The following CPNE8 variants were observed in gnomAD, a reference collection of about 807,000 sequenced individuals.
CPNE8 encodes the protein copine-8.
A neutral mutation model predicts 81.5 loss-of-function variants in CPNE8; 45 were observed. The observed-to-expected ratio is 0.55, with a 90% CI of 0.44 to 0.71. The LOEUF (loss-of-function observed/expected upper bound fraction) is 0.71, where lower values mean the gene tolerates loss of function less well. CPNE8 is among the 30% of genes least tolerant of loss of function. The pLI, the probability that CPNE8 is intolerant of heterozygous loss-of-function variation, is 0.00. For synonymous variants in CPNE8, 252 were observed against 226.3 expected, an observed-to-expected ratio of 1.11 and a Z score of -1.02; for missense variants, 594 against 672.1, an observed-to-expected ratio of 0.88 and a Z score of 1.28.
rs189130324 is a variant in CPNE8 at position 38,806,902 on chromosome 12, G to C, written c.407+22477C>G. ...CTTAAGCTGATAAGCAACTTCAGCA[G>C]TCTCAGGATACAAAATCAATGTACA... is the stretch of plus-strand genomic sequence containing the variant. On this transcript the variant is annotated intron_variant, in intron 6 of 19. Transcript: ENST00000331366. Among the ~76,000 whole-genome samples the C allele has an allele frequency of 3.8e-3, 575 of 151,244 alleles. 4 individuals are homozygous for C. The highest frequency in any genetic ancestry group is 0.013 in the African/African-American group (539 of 41,436).
chr12:38,778,284 C>T (rs1373234030), intron 6 of CPNE8, among the ~76,000 whole-genome samples: 2 of 152,080 alleles, frequency 1.3e-5, no homozygotes, highest in Non-Finnish European at 2.9e-5. Context: ...GTAAGTACAG[C>T]CTATGGTGGT....
chr12:38,773,262 C>A (rs1359636915), intron 7 of CPNE8, among the ~76,000 whole-genome samples: 1 of 152,016 alleles, frequency 6.6e-6, no homozygotes, highest in Non-Finnish European at 1.5e-5. Context: ...CTATGGTTAA[C>A]AATACTGCAC....
At chr12:38,681,233 G>A (rs1290463370) in intron 16 of CPNE8, among the ~76,000 whole-genome samples, 1 of 151,818 alleles carries the variant, frequency 6.6e-6, no homozygotes, top group Non-Finnish European at 1.5e-5. Context: ...TAAATGATAA[G>A]AACAGGAATG....
rs114789013 is a variant in CPNE8 at position 38,867,412 on chromosome 12, T to G, written c.186+5592A>C. Among the ~76,000 whole-genome samples, 762 of 151,556 alleles carry G rather than the reference T, an allele frequency of 5.0e-3. 6 individuals are homozygous for G. Among genetic ancestry groups the G allele is most frequent in the African/African-American group, 0.017 (713 of 41,240 alleles). On this transcript the variant is annotated intron_variant, in intron 3 of 19. Transcript: ENST00000331366. ...ATACCAAAACAAGTATTATTCAGTA[T>G]GGAGATGAATAAATGTTAAAATAGC...
intron 19 of CPNE8, among the ~76,000 whole-genome samples, chr12:38,661,954 A>G (rs925586874): frequency 6.6e-6 from 1 of 152,182 alleles, no homozygotes; most frequent in Non-Finnish European, 1.5e-5. Context: ...ATAAAATACA[A>G]CATCCCTTCA....
intron 13 of CPNE8, among the ~76,000 whole-genome samples, chr12:38,711,328 G>T (rs544988224): frequency 2.0e-5 from 3 of 152,246 alleles, no homozygotes; most frequent in Admixed American, 6.5e-5. Flanking sequence ...TAGTCCTGAC[G>T]ATGAGGCATA....
intron 1 of CPNE8, among the ~76,000 whole-genome samples, chr12:38,878,592 C>CA (rs1464250902): frequency 6.6e-6 from 1 of 152,234 alleles, no homozygotes; most frequent in Non-Finnish European, 1.5e-5. Flanking sequence ...GACAGTTTCC[C>CA]ATATAGTAGT....
intron 1 of CPNE8, among the ~76,000 whole-genome samples, chr12:38,895,601 C>T (rs571651267): frequency 2.6e-4 from 39 of 152,148 alleles, no homozygotes; most frequent in Non-Finnish European, 3.4e-4. Context: ...GTTTATGCCA[C>T]TCCTATGAAT....
intron 6 of CPNE8, among the ~76,000 whole-genome samples, chr12:38,798,200 G>A (rs188079044): frequency 0.013 from 1,981 of 152,080 alleles, 18 homozygotes; most frequent in Non-Finnish European, 0.02. Flanking sequence ...TACAGAGAAC[G>A]CCACAAAGAT....
intron 10 of CPNE8, among the ~76,000 whole-genome samples, chr12:38,747,972 G>C (rs1160932273): frequency 2.6e-5 from 4 of 151,782 alleles, no homozygotes; most frequent in Non-Finnish European, 5.9e-5. Context: ...TCCCAAATAA[G>C]TAAGCATTCC....
intron 13 of CPNE8, among the ~76,000 whole-genome samples, chr12:38,718,453 GAA>G (rs1215676063): frequency 6.6e-6 from 1 of 152,080 alleles, no homozygotes; most frequent in Non-Finnish European, 1.5e-5. Flanking sequence ...GCTTTTACAG[GAA>G]ACATGAAAAT....
chr12:38,706,413 T>A (rs929627524), intron 13 of CPNE8, among the ~76,000 whole-genome samples: 2 of 152,148 alleles, frequency 1.3e-5, no homozygotes, highest in African/African-American at 2.4e-5. Flanking sequence ...ATTTTATCCA[T>A]TGATTTTCTC....
chr12:38,685,657 A>T, intron 15 of CPNE8, 40 bp from the exon 16 acceptor site: 1 of 1,593,754 alleles, frequency 6.3e-7, no homozygotes, highest in Middle Eastern at 1.7e-4. Context: ...AAACAACAGT[A>T]AAAAAGTAAA....
intron 1 of CPNE8, among the ~76,000 whole-genome samples, chr12:38,885,939 T>C (rs955845469): frequency 2.0e-5 from 3 of 152,124 alleles, no homozygotes; most frequent in South Asian, 2.1e-4. Flanking sequence ...TCCACCATGA[T>C]TGAAAGTTTC....
intron 6 of CPNE8, among the ~76,000 whole-genome samples, chr12:38,821,902 C>A (rs933075191): frequency 6.6e-6 from 1 of 152,148 alleles, no homozygotes; most frequent in Non-Finnish European, 1.5e-5. Context: ...ATATGTAAAC[C>A]TCAGAAGCTT....
chr12:38,685,823 G>T, intron 15 of CPNE8: 1 of 386,438 alleles, frequency 2.6e-6, no homozygotes, highest in Non-Finnish European at 4.6e-6. Flanking sequence ...ATAATAACAT[G>T]ATATAATGTA....
chr12:38,747,993 T>C (rs1941271951), intron 10 of CPNE8, among the ~76,000 whole-genome samples: 1 of 152,068 alleles, frequency 6.6e-6, no homozygotes, highest in African/African-American at 2.4e-5. Flanking sequence ...TAGAAAGCAA[T>C]ACTATTGTAA....
At chr12:38,710,278 A>AAAAAAAAC (rs1940220141) in intron 13 of CPNE8, among the ~76,000 whole-genome samples, 1 of 148,822 alleles carries the variant, frequency 6.7e-6, no homozygotes, top group Admixed American at 6.7e-5. Context: ...CAAAAAAAAA[A>AAAAAAAAC]AAAAAAAAAA....
intron 13 of CPNE8, among the ~76,000 whole-genome samples, chr12:38,714,774 A>G (rs2136718676): frequency 6.6e-6 from 1 of 152,198 alleles, no homozygotes; most frequent in South Asian, 2.1e-4. Context: ...AGCTAAACAC[A>G]ATATTTTACG....
Sources: allele counts gnomAD v4.1 joint callset (sites outside exome capture counted in the v4.1 genomes callset), GRCh38; gene constraint gnomAD v4.1.1; transcripts MANE v1.5; gene names NCBI Gene and HGNC (gene_info 2026-07-23, HGNC 2026-07-21).